PDZD2: variants seen among roughly 807,000 people sequenced by gnomAD.
PDZD2 encodes PDZ domain containing 2, also known as PDZ domain-containing protein 2.
PDZD2 carries 90 observed loss-of-function variants against 220.7 expected under a neutral mutation model. The observed-to-expected ratio is 0.41, with a 90% CI of 0.34 to 0.49. The LOEUF (loss-of-function observed/expected upper bound fraction) is 0.49. Among genes scored for constraint, PDZD2 ranks in the 20% least tolerant of loss-of-function variants. PDZD2 has a pLI of 0.28. For missense variants in PDZD2, 3,174 were observed against 3,608.5 expected (o/e 0.88, Z 3.08); for synonymous variants, 1,375 against 1,450.5 (o/e 0.95, Z 1.18).
intron 1 of PDZD2, among the ~76,000 whole-genome samples, chr5:31,707,606 A>T (rs1046362296): frequency 6.6e-6 from 1 of 152,106 alleles, no homozygotes; most frequent in African/African-American, 2.4e-5. Context: ...AGATAGAGCC[A>T]CACCCACGTG....
chr5:31,879,418 T>G (rs572102074), intron 2 of PDZD2, among the ~76,000 whole-genome samples: 46 of 151,442 alleles, frequency 3.0e-4, no homozygotes, highest in African/African-American at 1.0e-3. Flanking sequence ...AATGGACGTT[T>G]CTCTTCAGGT....
chr5:32,027,183 C>A (rs35198979), intron 6 of PDZD2, among the ~76,000 whole-genome samples: 1,875 of 152,178 alleles, frequency 0.012, 52 homozygotes, highest in African/African-American at 0.043. Flanking sequence ...GAATTACAGG[C>A]GTGAGCCACC....
chr5:32,071,264 A>G (rs1740712865), intron 15 of PDZD2, 120 bp from the exon 16 acceptor site: 4 of 777,388 alleles, frequency 5.1e-6, no homozygotes, highest in Non-Finnish European at 9.3e-6. Context: ...GCAGCCCGTC[A>G]TCAAGCAAAG....
intron 2 of PDZD2, among the ~76,000 whole-genome samples, chr5:31,856,268 A>G (rs1328286741): frequency 1.3e-5 from 2 of 152,118 alleles, no homozygotes; most frequent in Admixed American, 6.5e-5. Flanking sequence ...TTGAGAGGAT[A>G]CGGGACCCAC....
intron 1 of PDZD2, among the ~76,000 whole-genome samples, chr5:31,715,528 A>C (rs543076093): frequency 2.9e-4 from 44 of 152,384 alleles, no homozygotes; most frequent in Non-Finnish European, 5.6e-4. Flanking sequence ...ATGACATCTT[A>C]AAGTAAATTC....
At chr5:31,810,459 G>GT (rs1477966497) in intron 2 of PDZD2, among the ~76,000 whole-genome samples, 1 of 152,072 alleles carries the variant, frequency 6.6e-6, no homozygotes, top group Non-Finnish European at 1.5e-5. Context: ...TAGAGACGGG[G>GT]TTTCACTGTG....
chr5:32,061,869 T>G (rs1739719987), intron 14 of PDZD2, among the ~76,000 whole-genome samples: 1 of 152,232 alleles, frequency 6.6e-6, no homozygotes, highest in African/African-American at 2.4e-5. Context: ...GGTAATATAC[T>G]TAATTAATTT....
intron 1 of PDZD2, among the ~76,000 whole-genome samples, chr5:31,659,367 C>T (rs1561368179): frequency 6.6e-6 from 1 of 152,124 alleles, no homozygotes; most frequent in Non-Finnish European, 1.5e-5. Context: ...TTAGACCCAA[C>T]CCTCCTCCTG....
Position 31,646,498 on chromosome 5 carries a change from T to C in PDZD2, c.-361+7061T>C, listed in dbSNP as rs1460454157. Among the ~76,000 whole-genome samples, 3 of 152,188 alleles carry C rather than the reference T, an allele frequency of 2.0e-5. No homozygotes were observed. Among genetic ancestry groups the C allele is most frequent in the African/African-American group, 7.2e-5 (3 of 41,448 alleles). On this transcript the variant is annotated intron_variant, in intron 1 of 24. Coordinates refer to ENST00000438447, the MANE Select transcript of PDZD2 (RefSeq NM_178140.4). The surrounding 1 kb of genome is among the most constrained non-coding windows in gnomAD (Gnocchi z 4.7). ...ACGAAGGTTTCTTTTTCTTTTTCTG[T>C]TTAATAAAGCAAGATGTCAATAAAC...
intron 1 of PDZD2, among the ~76,000 whole-genome samples, chr5:31,684,490 T>G (rs1292672698): frequency 6.6e-6 from 1 of 152,228 alleles, no homozygotes; most frequent in Non-Finnish European, 1.5e-5. Flanking sequence ...GGGTAGACCA[T>G]TGCAAACTGG....
chr5:31,915,049 T>G (rs1278564488), intron 2 of PDZD2, among the ~76,000 whole-genome samples: 3 of 152,208 alleles, frequency 2.0e-5, no homozygotes, highest in African/African-American at 7.2e-5. Context: ...GTTGAATTCC[T>G]ATTTCTTTTA....
In PDZD2 at chr5:31,854,945, G is replaced by A. The variant is rs929250656; in HGVS notation, c.476+55221G>A. 8 of 984,638 alleles carry A rather than the reference G, an allele frequency of 8.1e-6. No homozygotes were observed. In the African/African-American group the frequency reaches 1.0e-4, roughly 13 times the overall value. 61.0% of individuals were successfully genotyped at this position (984,638 alleles called of 1,614,324 possible). On this transcript the variant is annotated intron_variant, in intron 2 of 24. Transcript: ENST00000438447. ...GGGGTCCTCCCACAGACCTGGAGCC[G>A]GCGGAGAGCAGCCTTCGGGAAGTCC... is the stretch of plus-strand genomic sequence containing the variant.
chr5:31,786,730 G>T (rs1753402853), intron 1 of PDZD2, among the ~76,000 whole-genome samples: 1 of 152,160 alleles, frequency 6.6e-6, no homozygotes, highest in South Asian at 2.1e-4. Context: ...TCATTTGGCA[G>T]GTAAGGAAAC....
At chr5:31,725,969 T>C in intron 1 of PDZD2, 2 of 579,296 alleles carry the variant, frequency 3.5e-6, no homozygotes, top group South Asian at 2.0e-5. Context: ...GATGATGAAA[T>C]AGGCAGTCTT....
At chr5:32,039,997 T>C (rs1451721102) in intron 7 of PDZD2, among the ~76,000 whole-genome samples, 1 of 137,312 alleles carries the variant, frequency 7.3e-6, no homozygotes, top group Non-Finnish European at 1.5e-5. Flanking sequence ...ATCTGGGAAA[T>C]GAGGAGCGCC....
intron 1 of PDZD2, among the ~76,000 whole-genome samples, chr5:31,758,000 A>G (rs1033272643): frequency 2.0e-5 from 3 of 152,136 alleles, no homozygotes; most frequent in African/African-American, 7.2e-5. Context: ...TGTCTCCCTA[A>G]TTCATTCCAC....
intron 1 of PDZD2, among the ~76,000 whole-genome samples, chr5:31,777,121 A>G (rs1015965488): frequency 6.6e-6 from 1 of 152,056 alleles, no homozygotes; most frequent in African/African-American, 2.4e-5. Flanking sequence ...GCGGCCAGGA[A>G]CCGGGGCTGT....
At chr5:31,651,310 T>G (rs1366180412) in intron 1 of PDZD2, among the ~76,000 whole-genome samples, 2 of 152,236 alleles carry the variant, frequency 1.3e-5, no homozygotes, top group African/African-American at 4.8e-5. Flanking sequence ...TGATGTATCA[T>G]GCACTTCACC....
intron 3 of PDZD2, among the ~76,000 whole-genome samples, chr5:31,989,433 T>TTTTTTTTA (rs1751031608): frequency 6.7e-6 from 1 of 148,598 alleles, no homozygotes; most frequent in African/African-American, 2.5e-5. Context: ...TTTTTTTTTT[T>TTTTTTTTA]TTTTTTTGAG....
Sources: gnomAD v4.1 joint callset for allele counts (sites outside exome capture counted in the v4.1 genomes callset) on GRCh38, gnomAD v4.1.1 for gene constraint, Gnocchi (gnomAD v3.1) non-coding constraint, MANE v1.5 for transcripts, NCBI Gene and HGNC (gene_info 2026-07-23, HGNC 2026-07-21) for gene names.